EPHA6: variants seen among roughly 807,000 people sequenced by gnomAD.
EPHA6 encodes the protein EPH receptor A6, also known as ephrin type-A receptor 6.
EPHA6 carries 50 observed loss-of-function variants against 112.0 expected under a neutral mutation model. That is an observed-to-expected ratio of 0.45 (90% CI 0.36 to 0.56). The LOEUF (loss-of-function observed/expected upper bound fraction) is 0.56, where lower values mean the gene tolerates loss of function less well. Ranked by LOEUF, EPHA6 falls within the 20% of genes least tolerant of loss-of-function variation. The pLI is 0.00. For missense variants in EPHA6, 1,280 were observed against 1,417.4 expected (o/e 0.90, Z 1.56); for synonymous variants, 529 against 490.7 (o/e 1.08, Z -1.03).
chr3:97,145,050 A>C (rs949697180), intron 3 of EPHA6, among the ~76,000 whole-genome samples: 75 of 151,666 alleles, frequency 4.9e-4, no homozygotes, highest in African/African-American at 1.8e-3. Flanking sequence ...ATGGTATAGA[A>C]TATAAGTATT....
At chr3:97,181,242 G>A (rs1486932066) in intron 3 of EPHA6, among the ~76,000 whole-genome samples, 3 of 152,112 alleles carry the variant, frequency 2.0e-5, no homozygotes, top group African/African-American at 7.2e-5. Context: ...GCTGCACAGG[G>A]TGGAGAAGGG....
chr3:97,432,607 C>T (rs551133330), intron 6 of EPHA6, among the ~76,000 whole-genome samples: 2 of 152,098 alleles, frequency 1.3e-5, no homozygotes, highest in African/African-American at 4.8e-5. Context: ...TGTTCTCATA[C>T]TGCTATGAAG....
chr3:97,511,892 G>A (rs2092370649), intron 10 of EPHA6, among the ~76,000 whole-genome samples: 1 of 151,626 alleles, frequency 6.6e-6, no homozygotes, highest in Non-Finnish European at 1.5e-5. Flanking sequence ...CATTGAATTT[G>A]GATTGCTTCT....
intron 4 of EPHA6, among the ~76,000 whole-genome samples, chr3:97,233,452 A>C (rs903871026): frequency 6.6e-6 from 1 of 152,168 alleles, no homozygotes; most frequent in African/African-American, 2.4e-5. Flanking sequence ...GTTCATGGTA[A>C]GTCCAGCAAG....
intron 11 of EPHA6, among the ~76,000 whole-genome samples, chr3:97,555,821 A>G (rs2093099913): frequency 6.6e-6 from 1 of 151,862 alleles, no homozygotes; most frequent in Non-Finnish European, 1.5e-5. Context: ...TAGATTCTGG[A>G]TATTAGCCCT....
intron 2 of EPHA6, among the ~76,000 whole-genome samples, chr3:96,978,992 A>G (rs1370254670): frequency 6.6e-6 from 1 of 152,172 alleles, no homozygotes; most frequent in Non-Finnish European, 1.5e-5. Flanking sequence ...TTTTTTGTTG[A>G]ACATGGTTAA....
chr3:96,870,303 A>C (rs1035473416), intron 2 of EPHA6, among the ~76,000 whole-genome samples: 1 of 152,020 alleles, frequency 6.6e-6, no homozygotes. Flanking sequence ...TACTGACATC[A>C]GTTCCCAAGT....
intron 5 of EPHA6, among the ~76,000 whole-genome samples, chr3:97,333,453 C>A (rs549478244): frequency 6.9e-6 from 1 of 143,964 alleles, no homozygotes; most frequent in Non-Finnish European, 1.5e-5. Context: ...TTCCTTTACA[C>A]TCTGTATGGC....
chr3:97,488,747 T>C (rs938552303), intron 10 of EPHA6, among the ~76,000 whole-genome samples: 5 of 152,368 alleles, frequency 3.3e-5, no homozygotes, highest in African/African-American at 1.2e-4. Flanking sequence ...AGATTCATTC[T>C]TGTCCATCAA....
chr3:96,978,019 G>A (rs2042602521), intron 2 of EPHA6, among the ~76,000 whole-genome samples: 1 of 152,146 alleles, frequency 6.6e-6, no homozygotes, highest in Admixed American at 6.6e-5. Flanking sequence ...AATTAGCTGG[G>A]CATGGTGGTG....
intron 1 of EPHA6, among the ~76,000 whole-genome samples, chr3:96,820,196 A>G (rs1037017001): frequency 3.3e-5 from 5 of 152,128 alleles, no homozygotes; most frequent in African/African-American, 1.2e-4. Flanking sequence ...TCTGAAAGAT[A>G]GTCGGGAACC....
chr3:97,412,601 G>A (rs1001758526), intron 6 of EPHA6, among the ~76,000 whole-genome samples: 2 of 152,006 alleles, frequency 1.3e-5, no homozygotes, highest in Admixed American at 1.3e-4. Context: ...AGGAATGAAT[G>A]AGACATTTGA....
intron 16 of EPHA6, among the ~76,000 whole-genome samples, chr3:97,746,614 A>G (rs1232800054): frequency 6.6e-6 from 1 of 151,802 alleles, no homozygotes; most frequent in African/African-American, 2.4e-5. Context: ...TGTAATGTAT[A>G]TATAAGCACA....
chr3:97,583,438 C>T (rs916635496), intron 11 of EPHA6, among the ~76,000 whole-genome samples: 2 of 151,682 alleles, frequency 1.3e-5, no homozygotes, highest in Admixed American at 1.3e-4. Context: ...ACTCTGGAGG[C>T]TGAGGCAGGA....
intron 14 of EPHA6, among the ~76,000 whole-genome samples, chr3:97,674,361 G>A (rs2031152253): frequency 6.6e-6 from 1 of 152,108 alleles, no homozygotes; most frequent in South Asian, 2.1e-4. Flanking sequence ...CAGCAATTCA[G>A]TTTTATCCAC....
At chr3:97,343,551 A>C (rs967258775) in intron 5 of EPHA6, among the ~76,000 whole-genome samples, 2 of 152,206 alleles carry the variant, frequency 1.3e-5, no homozygotes, top group African/African-American at 4.8e-5. Flanking sequence ...GGGTATGGCA[A>C]ACCAACCTTT....
chr3:96,845,499 C>A (rs938701334), intron 1 of EPHA6, among the ~76,000 whole-genome samples: 1 of 151,920 alleles, frequency 6.6e-6, no homozygotes, highest in Non-Finnish European at 1.5e-5. Context: ...GGTAATTGCT[C>A]TCCATGGATT....
Position 97,586,730 on chromosome 3 carries a change from A to G in EPHA6, c.2387-5882A>G, listed in dbSNP as rs528808912. 1.3e-4 allele frequency among the ~76,000 whole-genome samples: 19 copies of G among 151,636 alleles called. 1 individual carries two copies. In the South Asian group the frequency reaches 3.1e-3, roughly 25 times the overall value. Reference sequence around the variant, plus strand: ...GATGGATGGATGGATGGATGGATAGACAGACAGACAGACAGACAGACAGAT... The same window carrying G: ...GATGGATGGATGGATGGATGGATAGGCAGACAGACAGACAGACAGACAGAT... On this transcript the variant is annotated intron_variant, in intron 11 of 17. Coordinates refer to ENST00000389672, the MANE Select transcript of EPHA6 (RefSeq NM_001080448.3).
chr3:97,712,847 T>TA (rs1365891736), intron 14 of EPHA6, among the ~76,000 whole-genome samples: 1 of 152,122 alleles, frequency 6.6e-6, no homozygotes, highest in Non-Finnish European at 1.5e-5. Flanking sequence ...AAACAATGAA[T>TA]AAAAATGTAG....
Sources: gnomAD v4.1 joint callset for allele counts (sites outside exome capture counted in the v4.1 genomes callset) on GRCh38, gnomAD v4.1.1 for gene constraint, MANE v1.5 for transcripts, NCBI Gene and HGNC (gene_info 2026-07-23, HGNC 2026-07-21) for gene names.